Variants in FAM114A2 observed in about 807,000 individuals in gnomAD.
FAM114A2 encodes family with sequence similarity 114 member A2.
In FAM114A2, 53 loss-of-function variants were observed where a neutral mutation model predicts 58.4. The ratio of observed to expected loss-of-function variants is 0.91; its 90% CI spans 0.73 to 1.14. The LOEUF (loss-of-function observed/expected upper bound fraction) is 1.14, where lower values mean the gene tolerates loss of function less well. Ranked by LOEUF, FAM114A2 falls within the 50% of genes most tolerant of loss-of-function variation. FAM114A2 has a pLI of 0.00. For missense variants in FAM114A2, 601 were observed against 581.1 expected, an observed-to-expected ratio of 1.03 and a Z score of -0.35; for synonymous variants, 228 against 211.4, an observed-to-expected ratio of 1.08 and a Z score of -0.68.
In FAM114A2 at chr5:153,991,341, C is replaced by A. The variant is rs1769239459; in HGVS notation, c.*1635G>T. Reference sequence around the variant, plus strand: ...GCTGAACAGACAGTAGGCAGAGTGACCAGTTTCTAAACTTTGCCCTCAAGG... The same window carrying A: ...GCTGAACAGACAGTAGGCAGAGTGAACAGTTTCTAAACTTTGCCCTCAAGG... On this transcript the variant is annotated 3_prime_UTR_variant, in exon 14 of 14. Coordinates refer to ENST00000351797, the MANE Select transcript of FAM114A2 (RefSeq NM_018691.4). 6.6e-6 allele frequency: 1 copy of A among 152,140 alleles called. No individual in the cohort carries two copies. Among genetic ancestry groups the A allele is most frequent in the Admixed American group, 6.5e-5 (1 of 15,282 alleles). 9.4% of individuals were successfully genotyped at this position (152,140 alleles called of 1,614,324 possible). A position where few individuals can be genotyped will look rare whatever the true frequency, so the allele number is the denominator to read the frequency against.
At position 154,010,337 on chromosome 5, in the gene FAM114A2, T is replaced by C. The variant is rs540629631; in HGVS notation, c.993+904A>G. Among the ~76,000 whole-genome samples, 5 of 152,322 alleles carry C rather than the reference T, an allele frequency of 3.3e-5. No homozygotes were observed. The East Asian group carries it at 9.6e-4, about 29-fold the overall frequency. ...ATAAAAAGCACTATAAGATCAAAAG[T>C]GCTTTAGTAAAGTGTTACAGTAGAG... On this transcript the variant is annotated intron_variant, in intron 9 of 13. Transcript: ENST00000351797.
chr5:154,028,232 T>C lies in FAM114A2; in HGVS notation c.547A>G (p.Lys183Glu), dbSNP rs1224933522. 2 of 1,611,402 alleles carry C rather than the reference T, an allele frequency of 1.2e-6. No individual in the cohort carries two copies. The highest frequency in any genetic ancestry group is 1.7e-6 in the Non-Finnish European group (2 of 1,177,702). ...CCTTCTGCTATCACATCCATTGTCT[T>C]TTTTCCAATGAATTCTAAGGCATCC... Reference protein sequence around the residue: ...GLDALEFIGKKTMDVIAEGDP... With the variant: ...GLDALEFIGKETMDVIAEGDP... The change falls in exon 6 of 14, where the codon AAG becomes GAG. Residue 183 changes from lysine to glutamate, a missense_variant. By Grantham distance (56) the Lys-to-Glu change is moderately conservative (BLOSUM62 1). Transcript: ENST00000351797.
chr5:154,035,944 G>A (rs151157921), intron 1 of FAM114A2, among the ~76,000 whole-genome samples: 107 of 152,260 alleles, frequency 7.0e-4, no homozygotes, highest in Non-Finnish European at 1.3e-3. Context: ...ACCTAATAAG[G>A]TTGAACATCT....
In FAM114A2 at chr5:154,006,189, G is replaced by A. The variant is rs151101895; in HGVS notation, c.994-3220C>T. 4.5e-3 allele frequency among the ~76,000 whole-genome samples: 682 copies of A among 152,246 alleles called. 3 individuals are homozygous for A. Among genetic ancestry groups the A allele is most frequent in the Non-Finnish European group, 7.4e-3 (505 of 68,026 alleles). ...AGCAAGACCAAAATATAGGATACTG[G>A]CATTTTACTCATTCATTTATTGCAA... On this transcript the variant is annotated intron_variant, in intron 9 of 13. Coordinates refer to ENST00000351797, the MANE Select transcript of FAM114A2 (RefSeq NM_018691.4).
Position 154,027,338 on chromosome 5 carries a change from A to C in FAM114A2, c.631-4T>G, listed in dbSNP as rs1242993203. 4 of 1,608,158 alleles carry C rather than the reference A, an allele frequency of 2.5e-6. No homozygotes were observed. In the African/African-American group the frequency reaches 5.4e-5, roughly 22 times the overall value. On this transcript the variant is annotated splice_region_variant and splice_polypyrimidine_tract_variant and intron_variant, in intron 6 of 13. Transcript: ENST00000351797. ...TCTCCTTCGCCTCTCGTAAAACCTA[A>C]AAAGAGATGGAGGCATTACACTGTA...
chr5:153,994,233 T>C (rs908610174), intron 13 of FAM114A2, among the ~76,000 whole-genome samples: 5 of 152,186 alleles, frequency 3.3e-5, no homozygotes, highest in African/African-American at 1.2e-4. Context: ...ATTTTTTCAA[T>C]TAACATCTAA....
chr5:154,003,470 C>A (rs1264884328), intron 9 of FAM114A2, among the ~76,000 whole-genome samples: 2 of 152,132 alleles, frequency 1.3e-5, no homozygotes, highest in Non-Finnish European at 2.9e-5. Flanking sequence ...TGAGCCACTG[C>A]GCCCGGCCTC....
chr5:153,993,406 C>G (rs1434478871), intron 13 of FAM114A2, among the ~76,000 whole-genome samples: 7 of 152,136 alleles, frequency 4.6e-5, no homozygotes, highest in Non-Finnish European at 1.5e-5. Flanking sequence ...TTATTTATTC[C>G]TTTATTGAGT....
intron 8 of FAM114A2, among the ~76,000 whole-genome samples, chr5:154,015,956 G>A (rs193004086): frequency 1.8e-4 from 28 of 152,084 alleles, no homozygotes; most frequent in East Asian, 1.4e-3. Flanking sequence ...AACAACGGAC[G>A]CACTTACAGA....
At chr5:154,007,011 G>A (rs548005829) in intron 9 of FAM114A2, among the ~76,000 whole-genome samples, 1 of 152,026 alleles carries the variant, frequency 6.6e-6, no homozygotes, top group East Asian at 1.9e-4. Flanking sequence ...TGGCCAGGTT[G>A]GTCTTGAACT....
chr5:154,015,668 G>A (rs1174121849), intron 8 of FAM114A2, among the ~76,000 whole-genome samples: 1 of 152,144 alleles, frequency 6.6e-6, no homozygotes, highest in East Asian at 1.9e-4. Context: ...CCACCCAAAT[G>A]AGAAGGAACC....
At chr5:153,995,881 T>C (rs1016642857) in intron 12 of FAM114A2, among the ~76,000 whole-genome samples, 9 of 152,210 alleles carry the variant, frequency 5.9e-5, no homozygotes, top group Admixed American at 2.0e-4. Flanking sequence ...AGCACTGCCA[T>C]AGTCTAAGTA....
intron 9 of FAM114A2, among the ~76,000 whole-genome samples, chr5:154,010,856 G>A (rs1978856): frequency 0.59 from 89,387 of 152,004 alleles, 26,956 homozygotes; most frequent in East Asian, 0.76. Context: ...ATCCCTATGG[G>A]CAAGGCCACA....
chr5:153,996,046 C>A (rs1487027467), intron 12 of FAM114A2, among the ~76,000 whole-genome samples: 2 of 152,144 alleles, frequency 1.3e-5, no homozygotes, highest in African/African-American at 4.8e-5. Flanking sequence ...CATAGACAAG[C>A]TGATCCTAAA....
chr5:154,006,619 C>A (rs1156996301), intron 9 of FAM114A2, among the ~76,000 whole-genome samples: 1 of 151,894 alleles, frequency 6.6e-6, no homozygotes, highest in Non-Finnish European at 1.5e-5. Context: ...TGGAAAGAAT[C>A]ATAACAGTTG....
chr5:154,008,979 T>C (rs1196365157), intron 9 of FAM114A2, among the ~76,000 whole-genome samples: 1 of 152,184 alleles, frequency 6.6e-6, no homozygotes, highest in Non-Finnish European at 1.5e-5. Flanking sequence ...TCATGATTTC[T>C]AAAATACATA....
chr5:154,035,141 A>G (rs1772466786), intron 1 of FAM114A2, among the ~76,000 whole-genome samples, 174 bp from the exon 2 acceptor site: 2 of 152,242 alleles, frequency 1.3e-5, no homozygotes, highest in Admixed American at 6.5e-5. Flanking sequence ...CACAAATATA[A>G]TATCACAACC....
rs767786508 is a variant in FAM114A2 at position 154,011,270 on chromosome 5, C to A, written c.964G>T (p.Val322Phe). ...GCAAGTTTCTCTGGTTTGGAGGAAA[C>A]GTGCAGCTGGGAAAACAGCTCTGTT... ...DITELFSQLH[V>F]SSKPEKLARA... is the part of the protein sequence containing the mutation. Residue 322 changes from valine to phenylalanine, a missense_variant, in exon 9 of 14, where the codon GTT (valine) becomes TTT (phenylalanine). Val to Phe is a conservative substitution (Grantham distance 50, BLOSUM62 -1). Transcript: ENST00000351797. 6.2e-7 allele frequency: 1 copy of A among 1,611,942 alleles called. No homozygotes were observed. The highest frequency in any genetic ancestry group is 1.7e-5 in the Admixed American group (1 of 59,782).
At chr5:154,016,248 T>C (rs1474405436) in intron 8 of FAM114A2, among the ~76,000 whole-genome samples, 1 of 152,160 alleles carries the variant, frequency 6.6e-6, no homozygotes. Context: ...GGCATCCAAA[T>C]ACAAGAAGCT....
Sources: allele counts gnomAD v4.1 joint callset (sites outside exome capture counted in the v4.1 genomes callset), GRCh38; gene constraint gnomAD v4.1.1; transcripts MANE v1.5; gene names NCBI Gene and HGNC (gene_info 2026-07-23, HGNC 2026-07-21).